Variants in SIGLECL1 observed in about 807,000 individuals in gnomAD.
The protein encoded by SIGLECL1 is SIGLEC family like 1.
SIGLECL1 carries 16 observed loss-of-function variants against 19.1 expected under a neutral mutation model. That is an observed-to-expected ratio of 0.84 (90% CI 0.57 to 1.27). The LOEUF is 1.27. SIGLECL1 is among the 50% of genes most tolerant of loss of function. SIGLECL1 has a pLI of 0.00. For synonymous variants in SIGLECL1, 89 were observed against 90.4 expected, an observed-to-expected ratio of 0.98 and a Z score of 0.09; for missense variants, 210 against 239.4, an observed-to-expected ratio of 0.88 and a Z score of 0.81.
intron 1 of SIGLECL1, among the ~76,000 whole-genome samples, chr19:51,259,702 G>C (rs901901894): frequency 1.3e-5 from 2 of 152,170 alleles, no homozygotes; most frequent in African/African-American, 4.8e-5. Context: ...AAACACTGTA[G>C]TAAGGAAGGC....
At chr19:51,254,168 A>G (rs998922211) in intron 1 of SIGLECL1, among the ~76,000 whole-genome samples, 1 of 151,796 alleles carries the variant, frequency 6.6e-6, no homozygotes, top group African/African-American at 2.4e-5. Flanking sequence ...TACAGAAAAT[A>G]TTTTTTTTAA....
At chr19:51,251,941 G>A (rs900808780) in intron 1 of SIGLECL1, among the ~76,000 whole-genome samples, 4 of 152,156 alleles carry the variant, frequency 2.6e-5, no homozygotes, top group African/African-American at 9.7e-5. Context: ...GAGCCCTTTG[G>A]AACAAGAGAC....
chr19:51,253,145 GC>G (rs1982599863), intron 1 of SIGLECL1, among the ~76,000 whole-genome samples: 1 of 152,074 alleles, frequency 6.6e-6, no homozygotes, highest in South Asian at 2.1e-4. Context: ...CAAGTTAAAT[GC>G]TGATAGGAGC....
upstream of SIGLECL1, among the ~76,000 whole-genome samples, chr19:51,248,573 A>G (rs919318650): frequency 6.6e-6 from 1 of 152,214 alleles, no homozygotes; most frequent in Non-Finnish European, 1.5e-5. Flanking sequence ...CTCCAAGAAC[A>G]TCAAAAGGAA....
chr19:51,261,943 A>G (rs1276477201), intron 1 of SIGLECL1, among the ~76,000 whole-genome samples: 2 of 152,158 alleles, frequency 1.3e-5, no homozygotes, highest in Non-Finnish European at 2.9e-5. Context: ...GACCAGTGTA[A>G]CCACCACTGA....
intron 1 of SIGLECL1, chr19:51,258,026 C>T (rs1398818014): frequency 6.6e-6 from 1 of 152,240 alleles, no homozygotes; most frequent in African/African-American, 2.4e-5. Flanking sequence ...AACTTCTGGC[C>T]TCTGCCCTGT....
rs1490516104 is a variant in SIGLECL1 at position 51,265,788 on chromosome 19, T to C, written c.316T>C (p.Leu106=). 1 of 1,614,084 alleles carries C rather than the reference T, an allele frequency of 6.2e-7. No homozygotes were observed. Among genetic ancestry groups the C allele is most frequent in the Admixed American group, 1.7e-5 (1 of 60,004 alleles). Residue 106 remains leucine, a synonymous_variant, in exon 4 of 6, where the codon TTG becomes CTG. Transcript: ENST00000601727. ...SILLMSRKSS[L]AAQAFVKGLI... is the part of the protein sequence containing the mutation. The stretch of plus-strand genomic sequence containing the variant: ...CTCTCTGCTTCCAGGAAAGAGTTCT[T>C]TGGCTGCCCAGGCCTTCGTGAAAGG...
At chr19:51,254,853 A>C (rs1982708409) in intron 1 of SIGLECL1, among the ~76,000 whole-genome samples, 1 of 152,236 alleles carries the variant, frequency 6.6e-6, no homozygotes, top group African/African-American at 2.4e-5. Context: ...GTTAGCTACC[A>C]GTAGACCCAT....
At chr19:51,263,003 A>T (rs1464066776) in intron 1 of SIGLECL1, among the ~76,000 whole-genome samples, 6 of 152,168 alleles carry the variant, frequency 3.9e-5, no homozygotes, top group African/African-American at 1.2e-4. Context: ...ACCTCAGGTG[A>T]TCCTCCCACC....
At chr19:51,250,223 G>A (rs949563721), upstream of SIGLECL1, among the ~76,000 whole-genome samples, 11 of 152,066 alleles carry the variant, frequency 7.2e-5, no homozygotes, top group African/African-American at 2.6e-4. Flanking sequence ...AGTAGCTGGG[G>A]TTACAGGTGC....
At position 51,268,521 on chromosome 19, in the gene SIGLECL1, C is replaced by A. The variant is rs753300212; in HGVS notation, c.568-50C>A. The A allele has an allele frequency of 3.1e-5, 49 of 1,603,794 alleles. No homozygotes were observed. The Admixed American group carries it at 6.3e-4, about 21-fold the overall frequency. On this transcript the variant is annotated intron_variant, in intron 5 of 5. Coordinates refer to ENST00000601727, the MANE Select transcript of SIGLECL1 (RefSeq NM_001385465.1). Reference sequence around the variant, plus strand: ...AAGATTTGGATACCTCACCTCTAGACCTGTTCCAACATTCTTTTTTCTTTG... The same window carrying A: ...AAGATTTGGATACCTCACCTCTAGAACTGTTCCAACATTCTTTTTTCTTTG...
At chr19:51,259,585 A>T (rs1983061366) in intron 1 of SIGLECL1, among the ~76,000 whole-genome samples, 1 of 152,200 alleles carries the variant, frequency 6.6e-6, no homozygotes, top group South Asian at 2.1e-4. Flanking sequence ...GAAAATTTCC[A>T]ATGGAGAGAC....
chr19:51,258,553 A>C (rs1982971847), intron 1 of SIGLECL1, among the ~76,000 whole-genome samples: 1 of 152,192 alleles, frequency 6.6e-6, no homozygotes, highest in Admixed American at 6.5e-5. Flanking sequence ...TTTTATCTGT[A>C]ATCGTTAAAA....
upstream of SIGLECL1, among the ~76,000 whole-genome samples, chr19:51,248,180 T>C (rs1364475210): frequency 1.2e-5 from 1 of 81,596 alleles, no homozygotes; most frequent in African/African-American, 9.2e-5. Context: ...TTCCCTTCTC[T>C]GTCACGTGCT....
intron 1 of SIGLECL1, among the ~76,000 whole-genome samples, chr19:51,256,349 G>A (rs1982808704): frequency 6.6e-6 from 1 of 152,170 alleles, no homozygotes; most frequent in Non-Finnish European, 1.5e-5. Context: ...CTTAAAAAAG[G>A]ACATCTTGCC....
intron 1 of SIGLECL1, among the ~76,000 whole-genome samples, chr19:51,261,185 C>T (rs1428816966): frequency 6.6e-6 from 1 of 152,102 alleles, no homozygotes; most frequent in Non-Finnish European, 1.5e-5. Context: ...TTGGTAATGC[C>T]TTTTGCTTAA....
At chr19:51,259,126 GAGTCTTATACCTGCA>G (rs1983018050) in intron 1 of SIGLECL1, among the ~76,000 whole-genome samples, 1 of 122 alleles carries the variant, frequency 8.2e-3, no homozygotes, top group African/African-American at 0.036. Context: ...ACTCATGTGG[GAGTCTTATACCTGCA>G]TTCCAAAAGG....
At chr19:51,260,507 T>C (rs1030363098) in intron 1 of SIGLECL1, among the ~76,000 whole-genome samples, 1 of 152,220 alleles carries the variant, frequency 6.6e-6, no homozygotes, top group African/African-American at 2.4e-5. Flanking sequence ...TGTTTACCTT[T>C]TTAGCTATTT....
intron 1 of SIGLECL1, among the ~76,000 whole-genome samples, chr19:51,254,168 A>AT (rs894168843): frequency 4.6e-5 from 7 of 151,796 alleles, no homozygotes; most frequent in Admixed American, 2.0e-4. Flanking sequence ...TACAGAAAAT[A>AT]TTTTTTTTAA....
Sources: gnomAD v4.1 joint callset for allele counts (sites outside exome capture counted in the v4.1 genomes callset) on GRCh38, gnomAD v4.1.1 for gene constraint, MANE v1.5 for transcripts, NCBI Gene and HGNC (gene_info 2026-07-23, HGNC 2026-07-21) for gene names.